CHRM3: variants seen among roughly 807,000 people sequenced by gnomAD.
CHRM3 encodes cholinergic receptor muscarinic 3.
Under a neutral mutation model 41.8 loss-of-function variants are expected in CHRM3, and 11 were observed. The ratio of observed to expected loss-of-function variants is 0.26; its 90% CI spans 0.17 to 0.44. The LOEUF is 0.44. Among genes scored for constraint, CHRM3 ranks in the 20% least tolerant of loss-of-function variants. CHRM3 has a pLI of 1.00. For missense variants in CHRM3, 571 were observed against 745.4 expected (o/e 0.77, Z 2.72); for synonymous variants, 297 against 301.4 (o/e 0.99, Z 0.15).
At chr1:239,887,832 G>A (rs1363446970) in intron 6 of CHRM3, among the ~76,000 whole-genome samples, 3 of 152,098 alleles carry the variant, frequency 2.0e-5, no homozygotes, top group East Asian at 1.9e-4. Flanking sequence ...AGGGACCCCC[G>A]AGGGATAGTG....
rs1202108477 is a variant in CHRM3, at chr1:239,458,225, G to A, written c.-520-34484G>A. Reference sequence around the variant, plus strand: ...AAAATGAAACCGAGAAAAGGGCCTCGTTTTTAAAGTGACAGAGGTAACCAT... The same window carrying A: ...AAAATGAAACCGAGAAAAGGGCCTCATTTTTAAAGTGACAGAGGTAACCAT... On this transcript the variant is annotated intron_variant, in intron 1 of 6. Transcript: ENST00000676153. Among the ~76,000 whole-genome samples, 5 of 152,204 alleles carry A rather than the reference G, an allele frequency of 3.3e-5. No homozygotes were observed. In the South Asian group the frequency reaches 1.0e-3, roughly 32 times the overall value.
intron 5 of CHRM3, among the ~76,000 whole-genome samples, chr1:239,801,805 TCAAGAAG>T: frequency 6.6e-6 from 1 of 152,144 alleles, no homozygotes; most frequent in Admixed American, 6.5e-5. Flanking sequence ...GACCCAACTT[TCAAGAAG>T]CTTTCCAGAA....
At chr1:239,539,547 T>C (rs1015533701) in intron 2 of CHRM3, among the ~76,000 whole-genome samples, 1 of 152,208 alleles carries the variant, frequency 6.6e-6, no homozygotes, top group Non-Finnish European at 1.5e-5. Flanking sequence ...TGTACAGTCA[T>C]GCACTGTGAA....
At chr1:239,905,596 C>T (rs1679907114) in intron 6 of CHRM3, among the ~76,000 whole-genome samples, 1 of 152,100 alleles carries the variant, frequency 6.6e-6, no homozygotes, top group Non-Finnish European at 1.5e-5. Flanking sequence ...ATCACAGCTA[C>T]TCAGGAGGCT....
intron 5 of CHRM3, among the ~76,000 whole-genome samples, chr1:239,729,094 A>AC (rs1298225048): frequency 4.0e-5 from 6 of 151,890 alleles, no homozygotes; most frequent in Non-Finnish European, 4.4e-5. Flanking sequence ...TGTAAGTAAA[A>AC]CTGCTGGTCC....
rs115426100 is a variant in CHRM3 at position 239,491,697 on chromosome 1, G to T, written c.-520-1012G>T. ...CTGACTTCATTTCCTCTGGATATGTGGCCCATAGTGGGATTGCTGGATCAT... is the reference window on the plus strand; with the variant it reads ...CTGACTTCATTTCCTCTGGATATGTTGCCCATAGTGGGATTGCTGGATCAT... On this transcript the variant is annotated intron_variant, in intron 1 of 6. Coordinates refer to ENST00000676153, the MANE Select transcript of CHRM3 (RefSeq NM_001375978.1). 3.8e-3 allele frequency among the ~76,000 whole-genome samples: 572 copies of T among 152,282 alleles called. 5 individuals are homozygous for T. Among genetic ancestry groups the T allele is most frequent in the African/African-American group, 0.013 (544 of 41,570 alleles).
intron 5 of CHRM3, among the ~76,000 whole-genome samples, chr1:239,805,401 G>A (rs1034842272): frequency 2.6e-5 from 4 of 152,270 alleles, no homozygotes; most frequent in Admixed American, 6.5e-5. Flanking sequence ...ACCTTTGACT[G>A]CAGGTCTATC....
intron 2 of CHRM3, among the ~76,000 whole-genome samples, chr1:239,529,917 A>T (rs949401110): frequency 2.0e-5 from 3 of 151,730 alleles, no homozygotes; most frequent in Admixed American, 2.0e-4. Context: ...TTTTTTTTTG[A>T]GACAGAGTCT....
chr1:239,692,740 T>C (rs1659835766), intron 5 of CHRM3, among the ~76,000 whole-genome samples: 1 of 152,040 alleles, frequency 6.6e-6, no homozygotes, highest in South Asian at 2.1e-4. Context: ...GTTCTTCCTG[T>C]AAGGAAAAAA....
chr1:239,847,922 A>G (rs1180831245), intron 6 of CHRM3, among the ~76,000 whole-genome samples: 1 of 151,682 alleles, frequency 6.6e-6, no homozygotes, highest in Non-Finnish European at 1.5e-5. Context: ...CTCAAAAAGA[A>G]AAAAGAAAAG....
chr1:239,791,049 G>T (rs1309548077), intron 5 of CHRM3, among the ~76,000 whole-genome samples: 2 of 115,678 alleles, frequency 1.7e-5, no homozygotes, highest in Non-Finnish European at 3.9e-5. Context: ...CGCTCCTGGA[G>T]AAAAAAAAAA....
chr1:239,733,019 A>G (rs1354780191), intron 5 of CHRM3, among the ~76,000 whole-genome samples: 8 of 152,070 alleles, frequency 5.3e-5, no homozygotes. Flanking sequence ...TGGATCAACT[A>G]TTTTAACATT....
chr1:239,651,519 T>C (rs1209326257), intron 4 of CHRM3, among the ~76,000 whole-genome samples: 1 of 152,168 alleles, frequency 6.6e-6, no homozygotes, highest in Non-Finnish European at 1.5e-5. Context: ...ATAGTAGACT[T>C]GGCTAAGACA....
At chr1:239,547,741 T>TG (rs1244606531) in intron 3 of CHRM3, among the ~76,000 whole-genome samples, 1 of 152,164 alleles carries the variant, frequency 6.6e-6, no homozygotes, top group Non-Finnish European at 1.5e-5. Flanking sequence ...AAAATGTCCT[T>TG]GCCACGTGTT....
intron 3 of CHRM3, among the ~76,000 whole-genome samples, chr1:239,568,762 T>C (rs902816244): frequency 1.3e-5 from 2 of 152,120 alleles, no homozygotes; most frequent in African/African-American, 4.8e-5. Flanking sequence ...AAAGGGCAGC[T>C]TTTCCTAGAT....
intron 2 of CHRM3, among the ~76,000 whole-genome samples, chr1:239,542,565 A>G (rs539130946): frequency 6.6e-6 from 1 of 152,284 alleles, no homozygotes; most frequent in Admixed American, 6.5e-5. Context: ...ATTTTGTCTT[A>G]CAACTCTCAG....
chr1:239,481,085 A>G (rs1666821637), intron 1 of CHRM3, among the ~76,000 whole-genome samples: 1 of 152,224 alleles, frequency 6.6e-6, no homozygotes, highest in Non-Finnish European at 1.5e-5. Context: ...GGAATTTGGC[A>G]GCTGTTAAAT....
At chr1:239,754,746 T>A (rs979935485) in intron 5 of CHRM3, among the ~76,000 whole-genome samples, 2 of 152,090 alleles carry the variant, frequency 1.3e-5, no homozygotes, top group African/African-American at 4.8e-5. Flanking sequence ...TAGTGCTGTG[T>A]TTATAGTGGA....
At chr1:239,815,501 C>T (rs969645270) in intron 5 of CHRM3, among the ~76,000 whole-genome samples, 3 of 152,316 alleles carry the variant, frequency 2.0e-5, no homozygotes, top group African/African-American at 4.8e-5. Context: ...ATGTGAATGA[C>T]ATTATGCTTG....
Sources: allele counts gnomAD v4.1 joint callset (sites outside exome capture counted in the v4.1 genomes callset), GRCh38; gene constraint gnomAD v4.1.1; transcripts MANE v1.5; gene names NCBI Gene and HGNC (gene_info 2026-07-23, HGNC 2026-07-21).